SH3RF1: variants seen among roughly 807,000 people sequenced by gnomAD.
SH3RF1 encodes SH3 domain containing ring finger 1.
Under a neutral mutation model 74.0 loss-of-function variants are expected in SH3RF1, and 32 were observed. The ratio of observed to expected loss-of-function variants is 0.43; its 90% confidence interval spans 0.33 to 0.58. The LOEUF (loss-of-function observed/expected upper bound fraction) is 0.58. SH3RF1 is among the 20% of genes least tolerant of loss of function. The pLI is 0.05. For synonymous variants in SH3RF1, 396 were observed against 439.6 expected, an observed-to-expected ratio of 0.90 and a Z score of 1.24; for missense variants, 954 against 1,130.9, an observed-to-expected ratio of 0.84 and a Z score of 2.24.
intron 2 of SH3RF1, among the ~76,000 whole-genome samples, chr4:169,171,461 A>T (rs1734326727): frequency 6.6e-6 from 1 of 152,224 alleles, no homozygotes; most frequent in Non-Finnish European, 1.5e-5. Flanking sequence ...TACAATTCAA[A>T]ACTCCAAAGA....
chr4:169,155,386 G>T, intron 4 of SH3RF1, 94 bp downstream of exon 4: 3 of 898,610 alleles, frequency 3.3e-6, no homozygotes, highest in Non-Finnish European at 5.3e-6. Context: ...GGTGCTTTTT[G>T]TTGTGAGGAC....
chr4:169,254,207 T>C (rs1731148283), intron 2 of SH3RF1, among the ~76,000 whole-genome samples: 1 of 152,214 alleles, frequency 6.6e-6, no homozygotes, highest in South Asian at 2.1e-4. Context: ...TGAGTAGTCA[T>C]CTATCAGTTC....
At chr4:169,207,494 A>C (rs1730280616) in intron 2 of SH3RF1, among the ~76,000 whole-genome samples, 1 of 152,186 alleles carries the variant, frequency 6.6e-6, no homozygotes, top group Admixed American at 6.5e-5. Flanking sequence ...TGCTAAACCA[A>C]AATTCCTACA....
intron 2 of SH3RF1, among the ~76,000 whole-genome samples, chr4:169,240,371 A>T (rs1267926002): frequency 6.6e-6 from 1 of 151,398 alleles, no homozygotes; most frequent in Non-Finnish European, 1.5e-5. Flanking sequence ...TGATTTTTTT[A>T]ATTTTTTGCA....
intron 4 of SH3RF1, among the ~76,000 whole-genome samples, chr4:169,142,520 T>C (rs775487107): frequency 6.6e-6 from 1 of 152,252 alleles, no homozygotes; most frequent in Non-Finnish European, 1.5e-5. Flanking sequence ...CTGTGAACCA[T>C]ATGCCCATCT....
intron 2 of SH3RF1, among the ~76,000 whole-genome samples, chr4:169,210,779 A>C (rs1389609936): frequency 6.6e-6 from 1 of 152,208 alleles, no homozygotes; most frequent in South Asian, 2.1e-4. Flanking sequence ...CAAAACATCA[A>C]GCTATAATGA....
chr4:169,099,293 T>TA (rs1732978218), intron 11 of SH3RF1, among the ~76,000 whole-genome samples: 1 of 151,572 alleles, frequency 6.6e-6, no homozygotes, highest in Admixed American at 6.5e-5. Flanking sequence ...CTCACTATAT[T>TA]GCCCAGGCTG....
intron 1 of SH3RF1, among the ~76,000 whole-genome samples, chr4:169,270,329 G>A (rs1159301653): frequency 6.6e-6 from 1 of 152,010 alleles, no homozygotes. Context: ...AGGTGTCGGC[G>A]GCACCCGGCA....
intron 4 of SH3RF1, among the ~76,000 whole-genome samples, chr4:169,148,819 G>A (rs1192077207): frequency 6.6e-6 from 1 of 152,142 alleles, no homozygotes; most frequent in Non-Finnish European, 1.5e-5. Flanking sequence ...GGACCCTGAA[G>A]GTGAGCTTTC....
intron 2 of SH3RF1, among the ~76,000 whole-genome samples, chr4:169,186,012 G>A (rs1417578552): frequency 1.3e-5 from 2 of 152,146 alleles, no homozygotes; most frequent in African/African-American, 2.4e-5. Context: ...AAACACTTAG[G>A]ACAGTAGACC....
At chr4:169,187,026 T>G (rs74868312) in intron 2 of SH3RF1, among the ~76,000 whole-genome samples, 1 of 137,894 alleles carries the variant, frequency 7.3e-6, no homozygotes, top group Non-Finnish European at 1.6e-5. Flanking sequence ...AAAAAAAAAA[T>G]GAAAAAGAAA....
At chr4:169,188,173 T>G (rs753388671) in intron 2 of SH3RF1, among the ~76,000 whole-genome samples, 12 of 152,342 alleles carry the variant, frequency 7.9e-5, no homozygotes, top group Non-Finnish European at 1.0e-4. Flanking sequence ...AAATTTCTGT[T>G]GTTTTAATCT....
intron 2 of SH3RF1, among the ~76,000 whole-genome samples, chr4:169,207,664 G>C (rs1730283550): frequency 6.6e-6 from 1 of 152,190 alleles, no homozygotes; most frequent in Admixed American, 6.5e-5. Flanking sequence ...GGTTCTGGAT[G>C]CTTCGAGCTT....
chr4:169,130,896 A>G (rs921357119), intron 5 of SH3RF1, among the ~76,000 whole-genome samples: 3 of 152,208 alleles, frequency 2.0e-5, no homozygotes, highest in Non-Finnish European at 4.4e-5. Context: ...TGGTGTTACT[A>G]GAAGCTACAG....
At position 169,114,695 on chromosome 4, in the gene SH3RF1, A is replaced by G. The variant is rs981621413; in HGVS notation, c.2139+1574T>C. On this transcript the variant is annotated intron_variant, in intron 10 of 11. Coordinates refer to ENST00000284637, the MANE Select transcript of SH3RF1 (RefSeq NM_020870.4). Reference sequence around the variant, plus strand: ...ATTTATAAATATATTAACAAAGTTGAACATGTTGGCTTGAGTGCAAGTTTA... The same window carrying G: ...ATTTATAAATATATTAACAAAGTTGGACATGTTGGCTTGAGTGCAAGTTTA... Among the ~76,000 whole-genome samples, 5 of 152,224 alleles carry G rather than the reference A, an allele frequency of 3.3e-5. No individual in the cohort carries two copies. In the East Asian group the frequency reaches 9.6e-4, roughly 29 times the overall value.
At chr4:169,102,521 T>C (rs1733057235) in intron 11 of SH3RF1, among the ~76,000 whole-genome samples, 1 of 152,040 alleles carries the variant, frequency 6.6e-6, no homozygotes, top group Non-Finnish European at 1.5e-5. Flanking sequence ...TTTATATATA[T>C]ATTTTTTTTC....
intron 2 of SH3RF1, chr4:169,166,951 G>T: frequency 4.2e-6 from 1 of 240,960 alleles, no homozygotes; most frequent in Non-Finnish European, 8.1e-6. Flanking sequence ...ATATCAAGAA[G>T]GTGATATCTT....
chr4:169,216,031 T>C (rs1730456744), intron 2 of SH3RF1, among the ~76,000 whole-genome samples: 1 of 152,168 alleles, frequency 6.6e-6, no homozygotes, highest in South Asian at 2.1e-4. Flanking sequence ...CTTGAACTCC[T>C]GAGCTCAAGA....
At chr4:169,163,451 GCTAAGGGGC>G (rs1734184539) in intron 2 of SH3RF1, among the ~76,000 whole-genome samples, 1 of 152,136 alleles carries the variant, frequency 6.6e-6, no homozygotes, top group African/African-American at 2.4e-5. Flanking sequence ...GGAAAAGTGG[GCTAAGGGGC>G]ATTGCTTAGT....
Sources: gnomAD v4.1 joint callset for allele counts (sites outside exome capture counted in the v4.1 genomes callset) on GRCh38, gnomAD v4.1.1 for gene constraint, MANE v1.5 for transcripts, NCBI Gene and HGNC (gene_info 2026-07-23, HGNC 2026-07-21) for gene names.